RUNDC3B: variants seen among roughly 807,000 people sequenced by gnomAD.
RUNDC3B encodes RUN domain containing 3B.
In RUNDC3B, 33 loss-of-function variants were observed where a neutral mutation model predicts 58.4. The observed-to-expected ratio is 0.56, with a 90% CI of 0.43 to 0.75. The LOEUF (loss-of-function observed/expected upper bound fraction) is 0.75. Ranked by LOEUF, RUNDC3B falls within the 30% of genes least tolerant of loss-of-function variation. The pLI is 0.00. For missense variants in RUNDC3B, 501 were observed against 535.7 expected, an observed-to-expected ratio of 0.94 and a Z score of 0.64; for synonymous variants, 193 against 195.2, an observed-to-expected ratio of 0.99 and a Z score of 0.10.
intron 3 of RUNDC3B, among the ~76,000 whole-genome samples, chr7:87,706,615 G>A (rs1055377780): frequency 7.2e-5 from 11 of 152,194 alleles, no homozygotes; most frequent in African/African-American, 2.4e-4. Context: ...GATATTACAC[G>A]AGCTGAGCCG....
At chr7:87,650,968 C>A in intron 2 of RUNDC3B, 31 bp downstream of exon 2, 1 of 1,253,166 alleles carries the variant, frequency 8.0e-7, no homozygotes, top group Non-Finnish European at 1.2e-6. Context: ...TTTATTTTCC[C>A]ACCAGCTGTC....
chr7:87,805,985 T>C (rs1189464090), intron 8 of RUNDC3B, among the ~76,000 whole-genome samples: 1 of 152,236 alleles, frequency 6.6e-6, no homozygotes, highest in Non-Finnish European at 1.5e-5. Flanking sequence ...GCTTTACTGT[T>C]TTCATTTTTG....
chr7:87,699,908 T>C (rs1828864401), intron 2 of RUNDC3B, among the ~76,000 whole-genome samples: 1 of 152,196 alleles, frequency 6.6e-6, no homozygotes, highest in Non-Finnish European at 1.5e-5. Context: ...TATAGGATGC[T>C]AATTGATTTT....
At chr7:87,823,846 A>G (rs532133011) in intron 10 of RUNDC3B, among the ~76,000 whole-genome samples, 2 of 151,906 alleles carry the variant, frequency 1.3e-5, no homozygotes, top group East Asian at 3.9e-4. Context: ...ACACTCACCT[A>G]CATACATACA....
At chr7:87,719,295 T>C (rs1583995438) in intron 4 of RUNDC3B, among the ~76,000 whole-genome samples, 1 of 152,120 alleles carries the variant, frequency 6.6e-6, no homozygotes, top group African/African-American at 2.4e-5. Flanking sequence ...TTAAACTTTA[T>C]AGAATACAGC....
chr7:87,704,712 TCAAA>T (rs1829434961), intron 3 of RUNDC3B, among the ~76,000 whole-genome samples: 1 of 152,220 alleles, frequency 6.6e-6, no homozygotes, highest in Non-Finnish European at 1.5e-5. Flanking sequence ...TGCTCAGGCC[TCAAA>T]CAGATTCCAT....
intron 2 of RUNDC3B, among the ~76,000 whole-genome samples, chr7:87,695,560 C>T (rs891135647): frequency 4.6e-5 from 7 of 151,962 alleles, no homozygotes; most frequent in Admixed American, 3.3e-4. Context: ...AATAATAGCT[C>T]AAAGGTAATA....
Position 87,777,812 on chromosome 7 carries a change from A to G in RUNDC3B, c.813A>G (p.Glu271=). 2 of 1,613,474 alleles carry G rather than the reference A, an allele frequency of 1.2e-6. No homozygotes were observed. Among genetic ancestry groups the G allele is most frequent in the Non-Finnish European group, 1.7e-6 (2 of 1,179,698 alleles). ...LTLEQKGYLE[E]LLRLRENQLS... ...TGGATTTCCAGGGTTACCTTGAAGA[A>G]CTCTTACGACTTCGAGAGAACCAAC... is the stretch of plus-strand genomic sequence containing the variant. The change falls in exon 8 of 11, where the codon GAA becomes GAG. Residue 271 remains glutamate (E), a synonymous_variant. Coordinates refer to ENST00000394654, the MANE Select transcript of RUNDC3B (RefSeq NM_001134405.2).
chr7:87,735,163 C>T (rs2130801153), intron 4 of RUNDC3B, among the ~76,000 whole-genome samples: 1 of 152,310 alleles, frequency 6.6e-6, no homozygotes, highest in Non-Finnish European at 1.5e-5. Context: ...TGCCCACCTA[C>T]ATAGTTGATT....
rs1418320945 is a variant in RUNDC3B, at chr7:87,741,518, G to T, written c.568G>T (p.Gly190Trp). The change falls in exon 6 of 11, where the codon GGG becomes TGG. Residue 190 changes from glycine (G) to tryptophan (W), a missense_variant. Coordinates refer to ENST00000394654, the MANE Select transcript of RUNDC3B (RefSeq NM_001134405.2). The stretch of plus-strand genomic sequence containing the variant: ...TCTTAGTTTCTGCCTAAAGGGAGAG[G>T]GGCTGGATGGCAGTTTTCCTGCTGT... ...IDFSFCLKGEGLDGSFPAVID... is the reference protein window; with the variant it reads ...IDFSFCLKGEWLDGSFPAVID... 1 of 1,575,288 alleles carries T rather than the reference G, an allele frequency of 6.3e-7. No homozygotes were observed. Among genetic ancestry groups the T allele is most frequent in the Non-Finnish European group, 8.7e-7 (1 of 1,151,244 alleles).
chr7:87,703,147 T>C (rs1829243854), intron 3 of RUNDC3B, among the ~76,000 whole-genome samples: 1 of 152,202 alleles, frequency 6.6e-6, no homozygotes, highest in Non-Finnish European at 1.5e-5. Flanking sequence ...ATTTCACGAT[T>C]ATAGAATTAT....
rs151188900 is a variant in RUNDC3B, at chr7:87,733,301, G to C, written c.459-6490G>C. 6.0e-3 allele frequency among the ~76,000 whole-genome samples: 920 copies of C among 152,228 alleles called. 7 individuals carry two copies. The highest frequency in any genetic ancestry group is 8.0e-3 in the Non-Finnish European group (541 of 68,014). ...GAAGCACATCATGTGCTGTTGGCTCGTTCTGGCAGTCCAACCTGGCATTGT... is the reference window on the plus strand; with the variant it reads ...GAAGCACATCATGTGCTGTTGGCTCCTTCTGGCAGTCCAACCTGGCATTGT... On this transcript the variant is annotated intron_variant, in intron 4 of 10. Coordinates refer to ENST00000394654, the MANE Select transcript of RUNDC3B (RefSeq NM_001134405.2).
At chr7:87,786,142 C>T (rs2130897754) in intron 8 of RUNDC3B, among the ~76,000 whole-genome samples, 1 of 152,242 alleles carries the variant, frequency 6.6e-6, no homozygotes, top group African/African-American at 2.4e-5. Flanking sequence ...AGATGTGTTT[C>T]CTGGCTATAT....
intron 1 of RUNDC3B, among the ~76,000 whole-genome samples, chr7:87,645,515 T>G: frequency 6.6e-6 from 1 of 152,302 alleles, no homozygotes. Flanking sequence ...TATATAAACT[T>G]TTGATTTTTA....
At chr7:87,768,842 T>C (rs1003301911) in intron 6 of RUNDC3B, among the ~76,000 whole-genome samples, 11 of 152,296 alleles carry the variant, frequency 7.2e-5, no homozygotes, top group African/African-American at 2.2e-4. Flanking sequence ...ATAAATTTGA[T>C]CTGCTTTCTG....
At chr7:87,640,847 C>G (rs1822376083) in intron 1 of RUNDC3B, among the ~76,000 whole-genome samples, 1 of 152,024 alleles carries the variant, frequency 6.6e-6, no homozygotes. Context: ...TTTTTAATTT[C>G]AGGTAGTTCC....
chr7:87,823,194 C>T (rs1024269678), intron 10 of RUNDC3B, among the ~76,000 whole-genome samples: 26 of 152,126 alleles, frequency 1.7e-4, no homozygotes, highest in African/African-American at 5.8e-4. Flanking sequence ...TTATGCAAAC[C>T]TCTGGCCTTC....
At chr7:87,770,294 T>C (rs1161411209) in intron 6 of RUNDC3B, among the ~76,000 whole-genome samples, 2 of 152,138 alleles carry the variant, frequency 1.3e-5, no homozygotes, top group Admixed American at 6.5e-5. Context: ...TGGAAATCTT[T>C]TCTCTCTCTT....
intron 2 of RUNDC3B, among the ~76,000 whole-genome samples, chr7:87,653,147 C>T (rs1325894622): frequency 1.3e-5 from 2 of 151,996 alleles, no homozygotes; most frequent in Non-Finnish European, 2.9e-5. Flanking sequence ...ATCTTACTTT[C>T]CTAGGATATA....
Sources: allele counts gnomAD v4.1 joint callset (sites outside exome capture counted in the v4.1 genomes callset), GRCh38; gene constraint gnomAD v4.1.1; transcripts MANE v1.5; gene names NCBI Gene and HGNC (gene_info 2026-07-23, HGNC 2026-07-21).